Variants in FSIP1 observed in about 807,000 individuals in gnomAD.
FSIP1 encodes fibrous sheath interacting protein 1.
A neutral mutation model predicts 60.9 loss-of-function variants in FSIP1; 65 were observed. The ratio of observed to expected loss-of-function variants is 1.07; its 90% CI spans 0.87 to 1.31. The LOEUF is 1.31. FSIP1 is among the 40% of genes most tolerant of loss of function. FSIP1 has a pLI of 0.00. For synonymous variants in FSIP1, 209 were observed against 221.2 expected, an observed-to-expected ratio of 0.94 and a Z score of 0.49; for missense variants, 675 against 665.5, an observed-to-expected ratio of 1.01 and a Z score of -0.16.
At chr15:39,659,532 A>G (rs1404892318) in intron 10 of FSIP1, among the ~76,000 whole-genome samples, 1 of 141,334 alleles carries the variant, frequency 7.1e-6, no homozygotes, top group African/African-American at 2.7e-5. Context: ...ACAGAGCAAG[A>G]CTCCTCCTCA....
chr15:39,652,376 T>C (rs1310107101), intron 10 of FSIP1, among the ~76,000 whole-genome samples: 1 of 152,236 alleles, frequency 6.6e-6, no homozygotes, highest in Non-Finnish European at 1.5e-5. Flanking sequence ...ATTCTAAACA[T>C]TTGCTACATT....
At chr15:39,641,372 G>A (rs1297355907) in intron 10 of FSIP1, among the ~76,000 whole-genome samples, 1 of 152,076 alleles carries the variant, frequency 6.6e-6, no homozygotes, top group East Asian at 1.9e-4. Context: ...AACATGGGTG[G>A]CTGGTGACCG....
Position 39,738,127 on chromosome 15 carries a change from G to C in FSIP1, c.855C>G (p.Asp285Glu). The C allele has an allele frequency of 1.2e-6, 2 of 1,612,982 alleles. No individual in the cohort carries two copies. Among genetic ancestry groups the C allele is most frequent in the Non-Finnish European group, 1.7e-6 (2 of 1,179,474 alleles). The change falls in exon 8 of 12, where the codon GAC (aspartate) becomes GAG (glutamate). Residue 285 changes from aspartate (D) to glutamate (E), a missense_variant. Coordinates refer to ENST00000350221, the MANE Select transcript of FSIP1 (RefSeq NM_152597.5). ...EKKRLVELLKDLDEKDSGLSS... is the reference protein window; with the variant it reads ...EKKRLVELLKELDEKDSGLSS... ...AGAGCCCGGAATCTTTCTCATCCAA[G>C]TCCTTCAAAAGCTCAACCAGCCTTT...
At chr15:39,673,611 T>C (rs78858275) in intron 10 of FSIP1, among the ~76,000 whole-genome samples, 2,753 of 152,316 alleles carry the variant, frequency 0.018, 81 homozygotes, top group African/African-American at 0.063. Flanking sequence ...CCATTGAGCC[T>C]GGCTCGTAAC....
chr15:39,658,180 T>C (rs1416823468), intron 10 of FSIP1, among the ~76,000 whole-genome samples: 3 of 152,038 alleles, frequency 2.0e-5, no homozygotes, highest in African/African-American at 7.2e-5. Flanking sequence ...CAACTAAATA[T>C]GAATAATCAA....
chr15:39,763,867 A>T lies in FSIP1; in HGVS notation c.513T>A (p.Asn171Lys). ...EAWQSKEEME[N>K]TKKFLSLTAV... is the part of the protein sequence containing the mutation. Reference sequence around the variant, plus strand: ...CAGTCAAAGATAAAAATTTTTTTGTATTTTCCATCTCCTCTTTACTTTGCC... The same window carrying T: ...CAGTCAAAGATAAAAATTTTTTTGTTTTTTCCATCTCCTCTTTACTTTGCC... Residue 171 changes from asparagine to lysine, a missense_variant, in exon 5 of 12, where the codon AAT (asparagine) becomes AAA (lysine). Coordinates refer to ENST00000350221, the MANE Select transcript of FSIP1 (RefSeq NM_152597.5). 1 of 1,602,314 alleles carries T rather than the reference A, an allele frequency of 6.2e-7. No individual in the cohort carries two copies. The highest frequency in any genetic ancestry group is 8.5e-7 in the Non-Finnish European group (1 of 1,169,844).
intron 1 of FSIP1, among the ~76,000 whole-genome samples, chr15:39,781,234 T>C (rs1476916793): frequency 6.6e-6 from 1 of 152,036 alleles, no homozygotes; most frequent in East Asian, 1.9e-4. Flanking sequence ...TCATTACCCC[T>C]CAAAAAAATA....
chr15:39,678,613 C>G (rs990744252), intron 10 of FSIP1, among the ~76,000 whole-genome samples: 2 of 152,126 alleles, frequency 1.3e-5, no homozygotes, highest in African/African-American at 4.8e-5. Context: ...AAAACAAATA[C>G]AGTTGTTTCC....
At chr15:39,742,203 A>T (rs932736577) in intron 5 of FSIP1, among the ~76,000 whole-genome samples, 1 of 152,218 alleles carries the variant, frequency 6.6e-6, no homozygotes, top group African/African-American at 2.4e-5. Context: ...CTCTCCAGAG[A>T]TAATGCATCC....
intron 5 of FSIP1, among the ~76,000 whole-genome samples, chr15:39,763,130 A>G (rs1166280286): frequency 6.6e-6 from 1 of 152,220 alleles, no homozygotes; most frequent in African/African-American, 2.4e-5. Flanking sequence ...ATATTTTCTT[A>G]TATAGATTAT....
At chr15:39,780,258 T>C (rs1351224464) in intron 1 of FSIP1, among the ~76,000 whole-genome samples, 1 of 152,176 alleles carries the variant, frequency 6.6e-6, no homozygotes, top group East Asian at 1.9e-4. Context: ...GCGCGGTGGC[T>C]CACGCCTGTA....
At chr15:39,633,612 A>T (rs1213376240) in intron 10 of FSIP1, among the ~76,000 whole-genome samples, 1 of 152,192 alleles carries the variant, frequency 6.6e-6, no homozygotes, top group Non-Finnish European at 1.5e-5. Context: ...TGCAATATGG[A>T]CTGTGAAGCC....
rs190777967 is a variant in FSIP1, at chr15:39,738,438, C to T, written c.781-237G>A. ...CCCTGCTGTTAACCACTCCAACAGA[C>T]ATTTTATTAAAAAATAATATGAGCA... On this transcript the variant is annotated intron_variant, in intron 7 of 11. Coordinates refer to ENST00000350221, the MANE Select transcript of FSIP1 (RefSeq NM_152597.5). 1.6e-4 allele frequency among the ~76,000 whole-genome samples: 25 copies of T among 152,230 alleles called. 1 individual carries two copies. The East Asian group carries it at 4.8e-3, about 29-fold the overall frequency.
At chr15:39,705,269 C>T (rs1411376440) in intron 10 of FSIP1, among the ~76,000 whole-genome samples, 1 of 151,990 alleles carries the variant, frequency 6.6e-6, no homozygotes, top group Non-Finnish European at 1.5e-5. Context: ...CATTATGCAA[C>T]TTCATCAAAG....
chr15:39,767,679 T>C (rs1897739049), intron 3 of FSIP1, among the ~76,000 whole-genome samples: 1 of 152,156 alleles, frequency 6.6e-6, no homozygotes, highest in Non-Finnish European at 1.5e-5. Context: ...CAGCAGACAC[T>C]GGCAAACCAG....
chr15:39,604,445 G>T (rs1890752074), intron 11 of FSIP1, among the ~76,000 whole-genome samples: 1 of 152,164 alleles, frequency 6.6e-6, no homozygotes, highest in Non-Finnish European at 1.5e-5. Context: ...ATTTTATACT[G>T]CTAAAATGAT....
intron 10 of FSIP1, among the ~76,000 whole-genome samples, chr15:39,656,976 C>A (rs889658435): frequency 3.9e-5 from 6 of 152,302 alleles, no homozygotes; most frequent in African/African-American, 1.4e-4. Context: ...GCTCCCAGAT[C>A]TGTTCACCAA....
Position 39,782,617 on chromosome 15 carries a change from C to G in FSIP1, c.-8+11G>C, listed in dbSNP as rs1419369082. On this transcript the variant is annotated intron_variant, in intron 1 of 11. Coordinates refer to ENST00000350221, the MANE Select transcript of FSIP1 (RefSeq NM_152597.5). ...CGACCGAGCTCCGCCCTCATCTGCG[C>G]GGCCCCTCACCTTCCCGCCGGGCCT... 1 of 152,424 alleles carries G rather than the reference C, an allele frequency of 6.6e-6. No individual in the cohort carries two copies. The highest frequency in any genetic ancestry group is 2.4e-5 in the African/African-American group (1 of 41,452). 9.4% of individuals were successfully genotyped at this position (152,424 alleles called of 1,614,324 possible). A position where few individuals can be genotyped will look rare whatever the true frequency, so the allele number is the denominator to read the frequency against.
At position 39,714,827 on chromosome 15, in the gene FSIP1, A is replaced by T. The variant is rs539345141; in HGVS notation, c.1051-1246T>A. On this transcript the variant is annotated intron_variant, in intron 9 of 11. Transcript: ENST00000350221. ...CTACAAAATAAAAAATAAAAAAATAATTAGCCAGACACGGTAACACCTACA... is the reference window on the plus strand; with the variant it reads ...CTACAAAATAAAAAATAAAAAAATATTTAGCCAGACACGGTAACACCTACA... 5.9e-5 allele frequency among the ~76,000 whole-genome samples: 9 copies of T among 151,740 alleles called. No homozygotes were observed. The South Asian group carries it at 1.9e-3, about 32-fold the overall frequency.
Sources: gnomAD v4.1 joint callset for allele counts (sites outside exome capture counted in the v4.1 genomes callset) on GRCh38, gnomAD v4.1.1 for gene constraint, MANE v1.5 for transcripts, NCBI Gene and HGNC (gene_info 2026-07-23, HGNC 2026-07-21) for gene names.